PTPRT: variants seen among roughly 807,000 people sequenced by gnomAD.
PTPRT encodes the protein protein tyrosine phosphatase receptor type T, also known as receptor-type tyrosine-protein phosphatase T.
PTPRT carries 56 observed loss-of-function variants against 176.8 expected under a neutral mutation model. The ratio of observed to expected loss-of-function variants is 0.32; its 90% CI spans 0.26 to 0.40. The LOEUF is 0.40. Among genes scored for constraint, PTPRT ranks in the 10% least tolerant of loss-of-function variants. The pLI, the probability that PTPRT is intolerant of heterozygous loss-of-function variation, is 1.00. For synonymous variants in PTPRT, 783 were observed against 739.0 expected (o/e 1.06, Z -0.96); for missense variants, 1,540 against 1,908.2 (o/e 0.81, Z 3.60).
At chr20:42,583,780 T>C (rs1187826829) in intron 7 of PTPRT, among the ~76,000 whole-genome samples, 1 of 152,214 alleles carries the variant, frequency 6.6e-6, no homozygotes, top group Non-Finnish European at 1.5e-5. Context: ...TATTTAGCCA[T>C]TTTCTCAGTT....
At chr20:42,311,508 C>G (rs568081764) in intron 12 of PTPRT, among the ~76,000 whole-genome samples, 16 of 152,180 alleles carry the variant, frequency 1.1e-4, no homozygotes, top group Non-Finnish European at 2.1e-4. Context: ...ATTATTCCAC[C>G]TGGCTCACAA....
At chr20:42,797,097 T>C (rs991004563) in intron 2 of PTPRT, among the ~76,000 whole-genome samples, 4 of 152,206 alleles carry the variant, frequency 2.6e-5, no homozygotes, top group African/African-American at 9.6e-5. Context: ...GAGACCTTAA[T>C]AGACTGAAGA....
intron 1 of PTPRT, among the ~76,000 whole-genome samples, chr20:42,888,036 CT>C (rs1207012395): frequency 6.6e-6 from 1 of 152,116 alleles, no homozygotes; most frequent in Non-Finnish European, 1.5e-5. Context: ...CTGCTATCAC[CT>C]TGATCTTGAA....
chr20:42,815,220 G>A (rs1315319628), intron 2 of PTPRT, among the ~76,000 whole-genome samples: 7 of 152,172 alleles, frequency 4.6e-5, no homozygotes. Context: ...ATTTGCAGAA[G>A]CTAAAGAGTA....
In PTPRT at chr20:42,347,571, G is replaced by C. The variant is rs555482890; in HGVS notation, c.1865+3057C>G. On this transcript the variant is annotated intron_variant, in intron 11 of 30. Coordinates refer to ENST00000373187, the MANE Select transcript of PTPRT (RefSeq NM_007050.6). Reference sequence around the variant, plus strand: ...GGCATGACACCATTGGTGGGACCTAGGTGCTTGGACTAAGGAATGGGGATA... The same window carrying C: ...GGCATGACACCATTGGTGGGACCTACGTGCTTGGACTAAGGAATGGGGATA... 3.1e-4 allele frequency among the ~76,000 whole-genome samples: 47 copies of C among 152,188 alleles called. 2 individuals carry two copies. In the South Asian group the frequency reaches 8.9e-3, roughly 29 times the overall value.
chr20:42,881,034 G>A (rs987382597), intron 2 of PTPRT, among the ~76,000 whole-genome samples: 12 of 152,172 alleles, frequency 7.9e-5, no homozygotes, highest in African/African-American at 2.4e-4. Flanking sequence ...TGAGCAGCTC[G>A]CCTTTGTAAA....
Position 42,242,716 on chromosome 20 carries a change from TAAG to T in PTPRT, c.2312+5968_2312+5970del, listed in dbSNP as rs576443298. Among the ~76,000 whole-genome samples the T allele has an allele frequency of 4.6e-3, 699 of 152,254 alleles. 3 individuals carry two copies. The highest frequency in any genetic ancestry group is 8.2e-3 in the Non-Finnish European group (559 of 68,008). The stretch of plus-strand genomic sequence containing the variant: ...GAAAAAAATAGAAAAACTAAAAAGC[TAAG>T]AAGAACTAAGAAACTTGTTTCCATA... On this transcript the variant is annotated intron_variant, in intron 14 of 30. Coordinates refer to ENST00000373187, the MANE Select transcript of PTPRT (RefSeq NM_007050.6).
At chr20:42,191,375 A>C (rs1396724670) in intron 16 of PTPRT, among the ~76,000 whole-genome samples, 1 of 152,158 alleles carries the variant, frequency 6.6e-6, no homozygotes, top group Non-Finnish European at 1.5e-5. Context: ...TTAAAACATG[A>C]GTGATATATT....
chr20:43,080,305 G>A (rs761765237), intron 1 of PTPRT, among the ~76,000 whole-genome samples: 1 of 152,188 alleles, frequency 6.6e-6, no homozygotes, highest in Non-Finnish European at 1.5e-5. Context: ...CTGCAGTGAC[G>A]ACTACAGAGA....
At chr20:43,107,851 T>A (rs1437945298) in intron 1 of PTPRT, among the ~76,000 whole-genome samples, 1 of 152,206 alleles carries the variant, frequency 6.6e-6, no homozygotes, top group African/African-American at 2.4e-5. Flanking sequence ...CTGACATGCT[T>A]AATATTTGCT....
At position 43,108,675 on chromosome 20, in the gene PTPRT, A is replaced by G. The variant is rs755106104; in HGVS notation, c.88+80971T>C. ...GACCTCTTCAAAAATAAAGCACTCC[A>G]AATTCCCTAGCATCGCACAGAGGCA... On this transcript the variant is annotated intron_variant, in intron 1 of 30. Coordinates refer to ENST00000373187, the MANE Select transcript of PTPRT (RefSeq NM_007050.6). Among the ~76,000 whole-genome samples the G allele has an allele frequency of 8.5e-4, 130 of 152,238 alleles. 1 individual carries two copies. Among genetic ancestry groups the G allele is most frequent in the Non-Finnish European group, 1.6e-3 (109 of 68,006 alleles).
intron 7 of PTPRT, among the ~76,000 whole-genome samples, chr20:42,564,778 T>C (rs776862393): frequency 1.3e-5 from 2 of 152,028 alleles, no homozygotes; most frequent in African/African-American, 2.4e-5. Context: ...ATAATACAAA[T>C]AAAGAAATAC....
intron 6 of PTPRT, among the ~76,000 whole-genome samples, chr20:42,719,357 A>G (rs2076273016): frequency 6.6e-6 from 1 of 152,214 alleles, no homozygotes; most frequent in Admixed American, 6.5e-5. Flanking sequence ...AGGCCCAGAA[A>G]CAGAAAGCTG....
At chr20:42,648,265 T>C (rs955408653) in intron 7 of PTPRT, among the ~76,000 whole-genome samples, 1 of 152,040 alleles carries the variant, frequency 6.6e-6, no homozygotes, top group Non-Finnish European at 1.5e-5. Context: ...TTCACGAACA[T>C]GCTTCATTAA....
At chr20:42,243,211 T>C (rs558517618) in intron 14 of PTPRT, among the ~76,000 whole-genome samples, 1 of 152,110 alleles carries the variant, frequency 6.6e-6, no homozygotes, top group Admixed American at 6.5e-5. Context: ...GTGAATGAGA[T>C]GGGAAACAGG....
chr20:43,087,445 C>T (rs2011643625), intron 1 of PTPRT, among the ~76,000 whole-genome samples: 1 of 150,174 alleles, frequency 6.7e-6, no homozygotes, highest in Non-Finnish European at 1.5e-5. Context: ...CTCACTGCAA[C>T]CTCCACCTCT....
At chr20:42,239,413 C>CTTTTTTTTTTTTTTTTTTTTTT (rs35978863) in intron 14 of PTPRT, among the ~76,000 whole-genome samples, 1 of 81,204 alleles carries the variant, frequency 1.2e-5, no homozygotes, top group African/African-American at 4.6e-5. Context: ...CATTTTCTTT[C>CTTTTTTTTTTTTTTTTTTTTTT]TTTTTTTTTT....
At chr20:43,005,418 T>C (rs1600641255) in intron 1 of PTPRT, among the ~76,000 whole-genome samples, 1 of 152,134 alleles carries the variant, frequency 6.6e-6, no homozygotes, top group African/African-American at 2.4e-5. Flanking sequence ...GGGTGTTCTT[T>C]TCCCTGTTCT....
At chr20:43,006,882 G>A (rs574755796) in intron 1 of PTPRT, among the ~76,000 whole-genome samples, 1 of 152,246 alleles carries the variant, frequency 6.6e-6, no homozygotes, top group African/African-American at 2.4e-5. Flanking sequence ...GCAGGGTATA[G>A]TGTGGCAATG....
Sources: gnomAD v4.1 joint callset for allele counts (sites outside exome capture counted in the v4.1 genomes callset) on GRCh38, gnomAD v4.1.1 for gene constraint, MANE v1.5 for transcripts, NCBI Gene and HGNC (gene_info 2026-07-23, HGNC 2026-07-21) for gene names.